SLC25A48: variants seen among roughly 807,000 people sequenced by gnomAD.
SLC25A48 encodes CTC-321K16.1.
A neutral mutation model predicts 32.2 loss-of-function variants in SLC25A48; 29 were observed. The ratio of observed to expected loss-of-function variants is 0.90; its 90% confidence interval spans 0.67 to 1.23. The LOEUF is 1.23. Ranked by LOEUF, SLC25A48 falls within the 50% of genes most tolerant of loss-of-function variation. The pLI, the probability that SLC25A48 is intolerant of heterozygous loss-of-function variation, is 0.00. For synonymous variants in SLC25A48, 164 were observed against 172.3 expected (o/e 0.95, Z 0.38); for missense variants, 399 against 422.7 (o/e 0.94, Z 0.49).
intron 1 of SLC25A48, among the ~76,000 whole-genome samples, chr5:135,598,702 C>T (rs1482684715): frequency 6.6e-6 from 1 of 152,164 alleles, no homozygotes; most frequent in Non-Finnish European, 1.5e-5. Context: ...GAGGGACACA[C>T]ACACATGTGT....
At chr5:135,670,960 C>T (rs1753641068) in intron 3 of SLC25A48, among the ~76,000 whole-genome samples, 3 of 152,186 alleles carry the variant, frequency 2.0e-5, no homozygotes, top group Non-Finnish European at 2.9e-5. Flanking sequence ...TTTTATGAAG[C>T]GATGCCTAAA....
intron 3 of SLC25A48, among the ~76,000 whole-genome samples, chr5:135,656,630 G>A (rs1436352853): frequency 6.6e-6 from 1 of 152,168 alleles, no homozygotes; most frequent in Admixed American, 6.5e-5. Context: ...TTTGGAAATG[G>A]GGTAATTGCA....
chr5:135,864,287 G>T (rs2126781680), intron 4 of SLC25A48, among the ~76,000 whole-genome samples: 1 of 152,302 alleles, frequency 6.6e-6, no homozygotes, highest in South Asian at 2.1e-4. Flanking sequence ...GCATCCATTT[G>T]TCTCTTTAGC....
chr5:135,583,148 G>A (rs987988573), intron 1 of SLC25A48, among the ~76,000 whole-genome samples: 1 of 151,414 alleles, frequency 6.6e-6, no homozygotes, highest in African/African-American at 2.4e-5. Flanking sequence ...AGGCTGCACA[G>A]GCTACAAGGT....
intron 3 of SLC25A48, among the ~76,000 whole-genome samples, chr5:135,708,926 T>C (rs1754587130): frequency 1.3e-5 from 2 of 152,244 alleles, no homozygotes; most frequent in South Asian, 2.1e-4. Context: ...CCTTGTAGAA[T>C]ATGACATTTG....
At chr5:135,667,223 C>T (rs1157957244) in intron 3 of SLC25A48, among the ~76,000 whole-genome samples, 2 of 152,142 alleles carry the variant, frequency 1.3e-5, no homozygotes, top group East Asian at 3.9e-4. Flanking sequence ...TAAAAGCACT[C>T]TGCTTGGCAT....
At chr5:135,630,955 C>T (rs1045510524) in intron 2 of SLC25A48, among the ~76,000 whole-genome samples, 14 of 152,072 alleles carry the variant, frequency 9.2e-5, no homozygotes, top group African/African-American at 2.7e-4. Flanking sequence ...CAATAACGCT[C>T]CTGGACCTGG....
At chr5:135,687,590 A>G (rs1754045566) in intron 3 of SLC25A48, among the ~76,000 whole-genome samples, 1 of 152,182 alleles carries the variant, frequency 6.6e-6, no homozygotes, top group African/African-American at 2.4e-5. Flanking sequence ...GTTTTAATAA[A>G]GATATCTTCC....
intron 3 of SLC25A48, among the ~76,000 whole-genome samples, chr5:135,716,940 T>C (rs1380396004): frequency 6.6e-6 from 1 of 152,226 alleles, no homozygotes; most frequent in Non-Finnish European, 1.5e-5. Flanking sequence ...AAAATTTTAA[T>C]ACAACAACAA....
intron 3 of SLC25A48, among the ~76,000 whole-genome samples, chr5:135,674,924 A>G (rs1753734237): frequency 6.8e-6 from 1 of 147,736 alleles, no homozygotes; most frequent in East Asian, 2.0e-4. Flanking sequence ...TTTTTTTTTG[A>G]GAAATATATT....
At chr5:135,772,106 C>G (rs965070225) in intron 3 of SLC25A48, among the ~76,000 whole-genome samples, 1 of 150,724 alleles carries the variant, frequency 6.6e-6, no homozygotes, top group Admixed American at 6.6e-5. Flanking sequence ...TTCATAATAT[C>G]CAGAGGGAGA....
chr5:135,699,222 A>C (rs1041826482), intron 3 of SLC25A48, among the ~76,000 whole-genome samples: 88 of 152,242 alleles, frequency 5.8e-4, no homozygotes, highest in African/African-American at 2.1e-3. Context: ...TTATACAGGA[A>C]TGTTTATAGC....
At chr5:135,640,380 A>G (rs1318774497) in intron 3 of SLC25A48, among the ~76,000 whole-genome samples, 1 of 152,200 alleles carries the variant, frequency 6.6e-6, no homozygotes, top group Non-Finnish European at 1.5e-5. Flanking sequence ...AAATTTCCCA[A>G]ATTTTTTGGA....
chr5:135,605,182 T>A (rs746162442), intron 1 of SLC25A48, among the ~76,000 whole-genome samples: 3 of 152,260 alleles, frequency 2.0e-5, no homozygotes, highest in Non-Finnish European at 2.9e-5. Context: ...TTTATTTATT[T>A]ATAACATTCT....
At chr5:135,801,405 TC>T (rs1308639441) in intron 3 of SLC25A48, among the ~76,000 whole-genome samples, 1 of 151,034 alleles carries the variant, frequency 6.6e-6, no homozygotes, top group Non-Finnish European at 1.5e-5. Context: ...GTGATATTGT[TC>T]ATAGGAGGTG....
intron 1 of SLC25A48, among the ~76,000 whole-genome samples, chr5:135,627,778 G>T (rs180800914): frequency 3.7e-3 from 119 of 32,252 alleles, no homozygotes; most frequent in Admixed American, 0.031. Flanking sequence ...GTTCATGTTA[G>T]GAGAGGAGGG....
At chr5:135,592,294 C>A (rs562581774) in intron 1 of SLC25A48, among the ~76,000 whole-genome samples, 1 of 152,160 alleles carries the variant, frequency 6.6e-6, no homozygotes, top group Non-Finnish European at 1.5e-5. Flanking sequence ...ATCAGGGAGG[C>A]GTGATGAAGC....
At chr5:135,766,176 T>C (rs577775399) in intron 3 of SLC25A48, among the ~76,000 whole-genome samples, 124 of 150,662 alleles carry the variant, frequency 8.2e-4, no homozygotes, top group Non-Finnish European at 1.6e-3. Flanking sequence ...AATAACGCGG[T>C]TGGTGTAGTA....
intron 1 of SLC25A48, among the ~76,000 whole-genome samples, chr5:135,601,376 T>C (rs1751792315): frequency 6.6e-6 from 1 of 152,164 alleles, no homozygotes; most frequent in Admixed American, 6.5e-5. Flanking sequence ...CACAGGTACC[T>C]CTTGCTGCCA....
Sources: gnomAD v4.1 joint callset for allele counts (sites outside exome capture counted in the v4.1 genomes callset) on GRCh38, gnomAD v4.1.1 for gene constraint, MANE v1.5 for transcripts, NCBI Gene and HGNC (gene_info 2026-07-23, HGNC 2026-07-21) for gene names.